Variants in NEK7 observed in about 807,000 individuals in gnomAD.
The protein encoded by NEK7 is serine/threonine-protein kinase Nek7.
In NEK7, 18 loss-of-function variants were observed where a neutral mutation model predicts 44.6. The observed-to-expected ratio is 0.40, with a 90% CI of 0.28 to 0.60. NEK7 has a LOEUF of 0.60. NEK7 is among the 20% of genes least tolerant of loss of function. The pLI is 0.38. For missense variants in NEK7, 256 were observed against 366.5 expected (o/e 0.70, Z 2.46); for synonymous variants, 130 against 121.1 (o/e 1.07, Z -0.48).
intron 9 of NEK7, among the ~76,000 whole-genome samples, chr1:198,315,059 A>C (rs1404440478): frequency 2.0e-5 from 3 of 152,160 alleles, no homozygotes; most frequent in African/African-American, 7.2e-5. Flanking sequence ...GTTTGATCTC[A>C]AGACTGCTGT....
rs1653133848 is a variant in NEK7 at position 198,253,199 on chromosome 1, T to C, written c.198+19T>C. On this transcript the variant is annotated intron_variant, in intron 3 of 9. Coordinates refer to ENST00000367385, the MANE Select transcript of NEK7 (RefSeq NM_133494.3). ...AGTGCAGGTAAGATGACTTTAATTA[T>C]ATAAATCAATGTAAAATTATACTAT... is the stretch of plus-strand genomic sequence containing the variant. 2.0e-6 allele frequency: 3 copies of C among 1,519,552 alleles called. No individual in the cohort carries two copies. Among genetic ancestry groups the C allele is most frequent in the Non-Finnish European group, 2.7e-6 (3 of 1,106,992 alleles). The allele number at this position is 1,519,552 out of a possible 1,614,324, so 94.1% of individuals were successfully genotyped here. A position where few individuals can be genotyped will look rare whatever the true frequency, so the allele number is the denominator to read the frequency against.
intron 1 of NEK7, among the ~76,000 whole-genome samples, chr1:198,195,313 A>G (rs1173441593): frequency 6.6e-6 from 1 of 152,088 alleles, no homozygotes; most frequent in African/African-American, 2.4e-5. Context: ...TTTTAAATGC[A>G]TTTGTGGAAT....
intron 1 of NEK7, among the ~76,000 whole-genome samples, chr1:198,218,635 G>A (rs994485299): frequency 1.2e-4 from 18 of 151,540 alleles, no homozygotes; most frequent in Admixed American, 2.0e-4. Flanking sequence ...TAGACAACCT[G>A]TAGAATGGGA....
chr1:198,173,828 G>C (rs1281105082), intron 1 of NEK7, among the ~76,000 whole-genome samples: 1 of 152,026 alleles, frequency 6.6e-6, no homozygotes, highest in Non-Finnish European at 1.5e-5. Context: ...ATCGTAGATA[G>C]CTTTATCAGC....
intron 1 of NEK7, among the ~76,000 whole-genome samples, chr1:198,159,756 C>T (rs1303637875): frequency 1.3e-5 from 2 of 152,080 alleles, no homozygotes; most frequent in Admixed American, 6.5e-5. Context: ...ACAGCACTTA[C>T]CCAAAGAATG....
At chr1:198,181,089 T>C (rs1281211839) in intron 1 of NEK7, among the ~76,000 whole-genome samples, 6 of 152,064 alleles carry the variant, frequency 3.9e-5, no homozygotes, top group African/African-American at 1.4e-4. Context: ...AGATAACTAA[T>C]TATAAATTGG....
chr1:198,207,197 C>T (rs1665622579), intron 1 of NEK7: 1 of 152,030 alleles, frequency 6.6e-6, no homozygotes, highest in African/African-American at 2.4e-5. Context: ...TAATGAGTGA[C>T]AGGAACATCG....
chr1:198,311,445 A>C (rs1387344878), intron 9 of NEK7, among the ~76,000 whole-genome samples: 8 of 151,618 alleles, frequency 5.3e-5, no homozygotes, highest in East Asian at 1.9e-4. Context: ...CTCCTGCCTA[A>C]TTGCCCTGGC....
chr1:198,204,578 G>T (rs1265958295), intron 1 of NEK7, among the ~76,000 whole-genome samples: 3 of 152,000 alleles, frequency 2.0e-5, no homozygotes, highest in Non-Finnish European at 4.4e-5. Context: ...AATTAGCCGG[G>T]CAAGGTGGTG....
At chr1:198,302,255 C>A (rs1407225187) in intron 9 of NEK7, among the ~76,000 whole-genome samples, 1 of 152,060 alleles carries the variant, frequency 6.6e-6, no homozygotes, top group Non-Finnish European at 1.5e-5. Context: ...ATGAATGAAT[C>A]ATAAACTTTT....
chr1:198,255,936 A>G lies in NEK7; in HGVS notation c.198+2756A>G, dbSNP rs115236615. ...AAAACCCATGGTTCTTTATTTTTAA[A>G]AAGTCATCTCTGCAGCTTAAAATAC... is the stretch of plus-strand genomic sequence containing the variant. On this transcript the variant is annotated intron_variant, in intron 3 of 9. Transcript: ENST00000367385. 1.0e-3 allele frequency among the ~76,000 whole-genome samples: 152 copies of G among 152,276 alleles called. 1 individual carries two copies. The highest frequency in any genetic ancestry group is 3.5e-3 in the African/African-American group (147 of 41,564).
intron 1 of NEK7, among the ~76,000 whole-genome samples, chr1:198,176,235 C>T (rs1337271007): frequency 6.6e-6 from 1 of 152,152 alleles, no homozygotes; most frequent in Non-Finnish European, 1.5e-5. Flanking sequence ...GTTGCTAATA[C>T]ATAGGTAATG....
At chr1:198,249,881 T>G (rs543775404) in intron 2 of NEK7, among the ~76,000 whole-genome samples, 89 of 147,254 alleles carry the variant, frequency 6.0e-4, no homozygotes, top group East Asian at 2.5e-3. Flanking sequence ...CTCTTTAGTT[T>G]AATTAGATCC....
chr1:198,298,942 G>A (rs1654795329), intron 9 of NEK7, among the ~76,000 whole-genome samples: 3 of 152,348 alleles, frequency 2.0e-5, no homozygotes, highest in Middle Eastern at 3.4e-3. Context: ...CTGCAGCTAA[G>A]TGTGAAGTTG....
intron 1 of NEK7, among the ~76,000 whole-genome samples, chr1:198,169,227 A>G (rs1049159162): frequency 2.0e-4 from 30 of 152,324 alleles, no homozygotes; most frequent in Middle Eastern, 6.8e-3. Flanking sequence ...TCAATTTTTC[A>G]GTCATTAGAA....
At chr1:198,227,348 T>C (rs921214768) in intron 1 of NEK7, among the ~76,000 whole-genome samples, 1 of 152,250 alleles carries the variant, frequency 6.6e-6, no homozygotes, top group Non-Finnish European at 1.5e-5. Context: ...TGTGTCTTCA[T>C]AGCAGCATGA....
intron 9 of NEK7, among the ~76,000 whole-genome samples, chr1:198,304,268 A>G (rs1386795694): frequency 6.6e-6 from 1 of 152,208 alleles, no homozygotes; most frequent in Non-Finnish European, 1.5e-5. Context: ...AAATATAGAC[A>G]TTACATTACC....
intron 1 of NEK7, among the ~76,000 whole-genome samples, chr1:198,217,704 A>C (rs569764840): frequency 2.6e-4 from 39 of 151,956 alleles, no homozygotes; most frequent in Non-Finnish European, 2.2e-4. Context: ...ACTCCTCCAA[A>C]ACACTCCTAG....
At chr1:198,246,502 C>T (rs1666839906) in intron 2 of NEK7, among the ~76,000 whole-genome samples, 1 of 152,238 alleles carries the variant, frequency 6.6e-6, no homozygotes, top group African/African-American at 2.4e-5. Flanking sequence ...GGTGGCAGTT[C>T]ATCCCTCAAC....
Sources: gnomAD v4.1 joint callset for allele counts (sites outside exome capture counted in the v4.1 genomes callset) on GRCh38, gnomAD v4.1.1 for gene constraint, MANE v1.5 for transcripts, NCBI Gene and HGNC (gene_info 2026-07-23, HGNC 2026-07-21) for gene names.